Variants in REPIN1 observed in about 807,000 individuals in gnomAD.
REPIN1 encodes the protein DNA-binding protein REPIN1.
REPIN1 carries 4 observed loss-of-function variants against 5.7 expected under a neutral mutation model. That is an observed-to-expected ratio of 0.71 (90% confidence interval 0.35 to 1.62). The LOEUF is 1.62. Ranked by LOEUF, REPIN1 falls within the 40% of genes most tolerant of loss-of-function variation. REPIN1 has a pLI of 0.05. For missense variants in REPIN1, 854 were observed against 901.0 expected, an observed-to-expected ratio of 0.95 and a Z score of 0.67; for synonymous variants, 410 against 386.2, an observed-to-expected ratio of 1.06 and a Z score of -0.72.
chr7:150,372,207 G>A lies in REPIN1; in HGVS notation c.1137G>A (p.Gln379=), dbSNP rs1799873428. 2 of 1,584,148 alleles carry A rather than the reference G, an allele frequency of 1.3e-6. No individual in the cohort carries two copies. Among genetic ancestry groups the A allele is most frequent in the Non-Finnish European group, 1.7e-6 (2 of 1,169,516 alleles). ...KIHKRSEGSA[Q]AAPGPGSPQL... ...ACAAGCGATCCGAGGGGTCGGCCCA[G>A]GCCGCCCCCGGCCCGGGGAGCCCCC... Residue 379 remains glutamine, a synonymous_variant, in exon 3 of 3, where the codon CAG becomes CAA. Coordinates refer to ENST00000489432, the MANE Select transcript of REPIN1 (RefSeq NM_001099695.2).
intron 1 of REPIN1, chr7:150,369,421 G>C (rs535617843): frequency 2.1e-6 from 1 of 484,150 alleles, no homozygotes; most frequent in Non-Finnish European, 3.8e-6. Context: ...CCACAGAATG[G>C]AGAATTCGTT....
Position 150,373,139 on chromosome 7 carries a change from T to G in REPIN1, c.*194T>G, listed in dbSNP as rs1389270645. ...CAACCCCGGTGGCCAGGGAACCCAC[T>G]TCCAAGCGCAGGGACGCCGGCCTCC... On this transcript the variant is annotated 3_prime_UTR_variant, in exon 3 of 3. Coordinates refer to ENST00000489432, the MANE Select transcript of REPIN1 (RefSeq NM_001099695.2). 1 of 776,162 alleles carries G rather than the reference T, an allele frequency of 1.3e-6. No homozygotes were observed. The allele number at this position is 776,162 out of a possible 1,614,324, so 48.1% of individuals were successfully genotyped here. A position where few individuals can be genotyped will look rare whatever the true frequency, so the allele number is the denominator to read the frequency against.
At chr7:150,368,672 C>A, upstream of REPIN1, 1 of 214,838 alleles carries the variant, frequency 4.7e-6, no homozygotes, top group Non-Finnish European at 9.0e-6. Flanking sequence ...TGACCCGGCC[C>A]GCTCTTGGCG....
rs187957325 is a variant in REPIN1, at chr7:150,372,459, C to G, written c.1389C>G (p.Ala463=). ...CCGGGGAGCGGCCCTTCACCTGCGC[C>G]GAGTGCGGGAAGAACTTCGGCAAGA... is the stretch of plus-strand genomic sequence containing the variant. ...QHTGERPFTC[A]ECGKNFGKKT... is the part of the protein sequence containing the mutation. The change falls in exon 3 of 3, where the codon GCC becomes GCG. Residue 463 remains alanine (A), a synonymous_variant. Transcript: ENST00000489432. 6.5e-3 allele frequency: 9,938 copies of G among 1,535,070 alleles called. 127 individuals carry two copies. The highest frequency in any genetic ancestry group is 0.039 in the South Asian group (3,228 of 81,840).
chr7:150,368,789 A>C, upstream of REPIN1: 21 of 274,836 alleles, frequency 7.6e-5, no homozygotes, highest in Non-Finnish European at 1.0e-4. Context: ...GGCGCTGGGA[A>C]CCCGGCGGGG....
At chr7:150,370,936 C>T (rs1239615351) in intron 2 of REPIN1, 13 of 683,494 alleles carry the variant, frequency 1.9e-5, no homozygotes, top group Non-Finnish European at 3.5e-5. Context: ...GCATTTACTC[C>T]CTGTCTGACA....
Position 150,373,162 on chromosome 7 carries a change from T to G in REPIN1, c.*217T>G, listed in dbSNP as rs1195300257. 4 of 666,954 alleles carry G rather than the reference T, an allele frequency of 6.0e-6. No individual in the cohort carries two copies. The highest frequency in any genetic ancestry group is 7.7e-6 in the Non-Finnish European group (3 of 387,396). The allele number at this position is 666,954 out of a possible 1,614,324, so 41.3% of individuals were successfully genotyped here. A position where few individuals can be genotyped will look rare whatever the true frequency, so the allele number is the denominator to read the frequency against. ...ACTTCCAAGCGCAGGGACGCCGGCC[T>G]CCAGCTGGTGTGTGCTAAGGCTCCG... On this transcript the variant is annotated 3_prime_UTR_variant, in exon 3 of 3. Coordinates refer to ENST00000489432, the MANE Select transcript of REPIN1 (RefSeq NM_001099695.2).
At position 150,369,715 on chromosome 7, in the gene REPIN1, G is replaced by C; in HGVS notation, c.4G>C (p.Gly2Arg). 5.0e-6 allele frequency: 8 copies of C among 1,613,950 alleles called. No individual in the cohort carries two copies. The highest frequency in any genetic ancestry group is 6.8e-6 in the Non-Finnish European group (8 of 1,179,864). M[G>R]IGVSLLLQFS... Reference sequence around the variant, plus strand: ...AGTCAGAGGTCTGAGCTCTGCCATGGGGATAGGGGTGTCTTTATTACTGCA... The same window carrying C: ...AGTCAGAGGTCTGAGCTCTGCCATGCGGATAGGGGTGTCTTTATTACTGCA... Residue 2 changes from glycine to arginine, a missense_variant, in exon 2 of 3, where the codon GGG becomes CGG. Coordinates refer to ENST00000489432, the MANE Select transcript of REPIN1 (RefSeq NM_001099695.2).
At position 150,369,663 on chromosome 7, in the gene REPIN1, C is replaced by A. The variant is rs765138868; in HGVS notation, c.-41-8C>A. On this transcript the variant is annotated splice_region_variant and splice_polypyrimidine_tract_variant and intron_variant, in intron 1 of 2. Coordinates refer to ENST00000489432, the MANE Select transcript of REPIN1 (RefSeq NM_001099695.2). ...GCCTCACTTCTGTTTTCTCTTCCCT[C>A]CCCACAGGTAAGGCTGGCCTCTCTG... The A allele has an allele frequency of 6.2e-7, 1 of 1,612,706 alleles. No individual in the cohort carries two copies. The highest frequency in any genetic ancestry group is 8.5e-7 in the Non-Finnish European group (1 of 1,179,508).
rs1427861197 is a variant in REPIN1, at chr7:150,371,968, A to G, written c.898A>G (p.Lys300Glu). ...CCCCTTCCAGTGTGCCTGTTGTGGC[A>G]AGCGCTTCCGGCACAAGCCCAACTT... ...DRPFQCACCG[K>E]RFRHKPNLIA... The change falls in exon 3 of 3, where the codon AAG (lysine) becomes GAG (glutamate). Residue 300 changes from lysine to glutamate, a missense_variant. Around this residue, in one of 5 missense-constraint regions of REPIN1, gnomAD observed 409 missense variants for 418.6 expected, o/e 0.98. Transcript: ENST00000489432. The G allele has an allele frequency of 6.2e-7, 1 of 1,610,060 alleles. No individual in the cohort carries two copies. The highest frequency in any genetic ancestry group is 1.7e-5 in the Admixed American group (1 of 59,966).
chr7:150,371,194 G>A, intron 2 of REPIN1, 34 bp from the exon 3 acceptor site: 1 of 1,522,720 alleles, frequency 6.6e-7, no homozygotes, highest in East Asian at 2.3e-5. Flanking sequence ...AGAGTGAGTT[G>A]GTCTCTGGAG....
rs759301339 is a variant in REPIN1 at position 150,369,752 on chromosome 7, C to G, written c.41C>G (p.Thr14Arg). The G allele has an allele frequency of 1.8e-5, 29 of 1,613,974 alleles. No individual in the cohort carries two copies. In the South Asian group the frequency reaches 2.5e-4, roughly 14 times the overall value. ...TCTTTATTACTGCAGTTTTCTCTAA[C>G]ACCTGGGGGCTACCGGAGTGTGGGC... ...GVSLLLQFSL[T>R]PGGYRSVGRS... Residue 14 changes from threonine to arginine, a missense_variant, in exon 2 of 3, where the codon ACA (threonine) becomes AGA (arginine). Physicochemically the swap from Thr to Arg is moderately conservative, Grantham distance 71 (BLOSUM62 -1). Coordinates refer to ENST00000489432, the MANE Select transcript of REPIN1 (RefSeq NM_001099695.2).
At position 150,371,954 on chromosome 7, in the gene REPIN1, G is replaced by C; in HGVS notation, c.884G>C (p.Cys295Ser). Residue 295 changes from cysteine (C) to serine (S), a missense_variant, in exon 3 of 3, where the codon TGT becomes TCT. Physicochemically the swap from Cys to Ser is moderately radical, Grantham distance 112. Around this residue, in one of 5 missense-constraint regions of REPIN1, gnomAD observed 409 missense variants for 418.6 expected, o/e 0.98. Transcript: ENST00000489432. ...GGDAVDRPFQCACCGKRFRHK... is the reference protein window; with the variant it reads ...GGDAVDRPFQSACCGKRFRHK... ...GATGCCGTCGACCGCCCCTTCCAGT[G>C]TGCCTGTTGTGGCAAGCGCTTCCGG... is the stretch of plus-strand genomic sequence containing the variant. 1 of 1,609,786 alleles carries C rather than the reference G, an allele frequency of 6.2e-7. No individual in the cohort carries two copies. The highest frequency in any genetic ancestry group is 8.5e-7 in the Non-Finnish European group (1 of 1,179,548).
rs1005238709 is a variant in REPIN1 at position 150,372,278 on chromosome 7, C to A, written c.1208C>A (p.Ala403Glu). The part of the protein sequence containing the change: ...PQESAAEPTP[A>E]VPLKPAQEPP... The stretch of plus-strand genomic sequence containing the variant: ...GAGTCCGCGGCCGAGCCCACCCCGG[C>A]GGTACCTCTGAAACCGGCCCAGGAG... The change falls in exon 3 of 3, where the codon GCG (alanine) becomes GAG (glutamate). Residue 403 changes from alanine (A) to glutamate (E), a missense_variant. Ala to Glu is a moderately radical substitution (Grantham distance 107). This residue lies in a region of REPIN1 where 327 missense variants were observed against 307.8 expected (regional missense o/e 1.06). Transcript: ENST00000489432. The A allele has an allele frequency of 1.4e-5, 21 of 1,519,924 alleles. No homozygotes were observed. The highest frequency in any genetic ancestry group is 1.8e-4 in the Middle Eastern group (1 of 5,676). The allele number at this position is 1,519,924 out of a possible 1,614,324, so 94.2% of individuals were successfully genotyped here.
intron 2 of REPIN1, 60 bp from the exon 3 acceptor site, chr7:150,371,168 G>A (rs900642885): frequency 8.1e-6 from 12 of 1,482,174 alleles, no homozygotes; most frequent in Non-Finnish European, 1.1e-5. Flanking sequence ...GAGGTTGGGA[G>A]GGGAGAAACA....
chr7:150,370,288 G>GGAGGCAGAGC (rs1799497154), intron 2 of REPIN1: 2 of 245,732 alleles, frequency 8.1e-6, no homozygotes, highest in Non-Finnish European at 1.6e-5. Flanking sequence ...GCACCCCGAG[G>GGAGGCAGAGC]GAGGCAGAGC....
chr7:150,369,386 C>T, intron 1 of REPIN1: 1 of 432,576 alleles, frequency 2.3e-6, no homozygotes, highest in Admixed American at 3.4e-5. Flanking sequence ...CGGCCTTTGG[C>T]CATCAGGGAA....
intron 2 of REPIN1, chr7:150,370,732 T>C (rs1799600982): frequency 2.8e-6 from 2 of 702,436 alleles, no homozygotes. Flanking sequence ...ATCTTTGATG[T>C]CTCACAGTTG....
rs1249885063 is a variant in REPIN1 at position 150,369,241 on chromosome 7, G to A, written c.-42+300G>A. ...GCCACCCGCGGCCAGCCGCGATGCG[G>A]AAGGGGATTCTGACGGAGTCGTGGT... On this transcript the variant is annotated intron_variant, in intron 1 of 2. Coordinates refer to ENST00000489432, the MANE Select transcript of REPIN1 (RefSeq NM_001099695.2). 7.7e-6 allele frequency: 3 copies of A among 388,266 alleles called. No individual in the cohort carries two copies. In the East Asian group the frequency reaches 1.2e-4, roughly 16 times the overall value. 24.1% of individuals were successfully genotyped at this position (388,266 alleles called of 1,614,324 possible).
Sources: gnomAD v4.1 joint callset for allele counts on GRCh38, gnomAD v4.1.1 for gene constraint, gnomAD v4.1.1 regional missense constraint, MANE v1.5 for transcripts, NCBI Gene and HGNC (gene_info 2026-07-23, HGNC 2026-07-21) for gene names.